Variants in STARD9 observed in about 807,000 individuals in gnomAD.
STARD9 encodes the protein StAR related lipid transfer domain containing 9.
In STARD9, 346 loss-of-function variants were observed where a neutral mutation model predicts 399.8. That is an observed-to-expected ratio of 0.87 (90% CI 0.79 to 0.95). The LOEUF (loss-of-function observed/expected upper bound fraction) is 0.95, where lower values mean the gene tolerates loss of function less well. STARD9 is among the 40% of genes least tolerant of loss of function. The pLI is 0.00. For missense variants in STARD9, 5,832 were observed against 5,667.5 expected (o/e 1.03, Z -0.93); for synonymous variants, 2,203 against 2,143.5 (o/e 1.03, Z -0.77).
At chr15:42,668,039 A>C (rs1048334900) in intron 15 of STARD9, among the ~76,000 whole-genome samples, 2 of 152,210 alleles carry the variant, frequency 1.3e-5, no homozygotes, top group African/African-American at 4.8e-5. Flanking sequence ...ACTCATTAGC[A>C]TTCTTGCATT....
chr15:42,650,389 T>G (rs1363839889), intron 7 of STARD9, among the ~76,000 whole-genome samples: 5 of 152,220 alleles, frequency 3.3e-5, no homozygotes, highest in Admixed American at 3.3e-4. Flanking sequence ...TAACCAGCCA[T>G]GAAGATTTAC....
chr15:42,666,056 A>G (rs757813463), intron 15 of STARD9, among the ~76,000 whole-genome samples: 15 of 152,158 alleles, frequency 9.9e-5, no homozygotes, highest in Admixed American at 2.6e-4. Context: ...TTGTTCTCTC[A>G]GGGATTCGTA....
rs1360514143 is a variant in STARD9 at position 42,685,282 on chromosome 15, T to C, written c.3704T>C (p.Phe1235Ser). ...GCTGACGAGATACCCACAGAGACTT[T>C]TTGGCACCTGGAGGACTCTAGTCTG... ...GSADEIPTET[F>S]WHLEDSSLPV... The change falls in exon 23 of 33, where the codon TTT becomes TCT. Residue 1235 changes from phenylalanine (F) to serine (S), a missense_variant. By Grantham distance (155) the Phe-to-Ser change is radical (BLOSUM62 -2). Transcript: ENST00000290607. The C allele has an allele frequency of 1.3e-6, 2 of 1,537,538 alleles. No homozygotes were observed. The highest frequency in any genetic ancestry group is 4.9e-5 in the East Asian group (2 of 40,918).
Position 42,681,623 on chromosome 15 carries a change from A to G in STARD9, c.2065+11A>G, listed in dbSNP as rs2060430127. On this transcript the variant is annotated intron_variant, in intron 21 of 32. Transcript: ENST00000290607. ...AGCAGATTAAAGAAAGTAGGTGTCC[A>G]CCACTTAATGTGTCTGCCTCACCTC... 1 of 1,532,258 alleles carries G rather than the reference A, an allele frequency of 6.5e-7. No homozygotes were observed. The highest frequency in any genetic ancestry group is 2.5e-5 in the East Asian group (1 of 40,794). 94.9% of individuals were successfully genotyped at this position (1,532,258 alleles called of 1,614,324 possible).
At chr15:42,679,929 G>A (rs1421674296) in intron 20 of STARD9, among the ~76,000 whole-genome samples, 4 of 152,104 alleles carry the variant, frequency 2.6e-5, no homozygotes, top group African/African-American at 9.7e-5. Flanking sequence ...ACAGCGTATG[G>A]GTCATACTGC....
At chr15:42,604,124 G>A (rs933225639) in intron 3 of STARD9, among the ~76,000 whole-genome samples, 2 of 152,208 alleles carry the variant, frequency 1.3e-5, no homozygotes, top group African/African-American at 4.8e-5. Context: ...GAACAAGGTA[G>A]CCTGGAGGTT....
At position 42,662,944 on chromosome 15, in the gene STARD9, T is replaced by C; in HGVS notation, c.868+53T>C. On this transcript the variant is annotated intron_variant, in intron 11 of 32. Coordinates refer to ENST00000290607, the MANE Select transcript of STARD9 (RefSeq NM_020759.3). The stretch of plus-strand genomic sequence containing the variant: ...GAGGGAGAGTTCGGAAAATAACTCA[T>C]GTTTTCATTTTGTCGCAATAGGGTA... The C allele has an allele frequency of 2.3e-6, 3 of 1,300,646 alleles. No individual in the cohort carries two copies. In the South Asian group the frequency reaches 3.8e-5, roughly 17 times the overall value. The allele number at this position is 1,300,646 out of a possible 1,614,324, so 80.6% of individuals were successfully genotyped here. A position where few individuals can be genotyped will look rare whatever the true frequency, so the allele number is the denominator to read the frequency against.
At chr15:42,584,128 G>A (rs1462637888) in intron 2 of STARD9, among the ~76,000 whole-genome samples, 1 of 152,016 alleles carries the variant, frequency 6.6e-6, no homozygotes, top group South Asian at 2.1e-4. Context: ...AGCTGACCAT[G>A]TGACTTTTGC....
chr15:42,693,396 C>A lies in STARD9; in HGVS notation c.11818C>A (p.Pro3940Thr). Residue 3940 changes from proline to threonine, a missense_variant, in exon 23 of 33, where the codon CCT becomes ACT. Transcript: ENST00000290607. ...CCAGAAGCTTGACTCCAGCCCAGAC[C>A]CTGTTGATGCCCCAAGGACTCCAAT... ...GHQKLDSSPD[P>T]VDAPRTPMDN... 1 of 1,537,172 alleles carries A rather than the reference C, an allele frequency of 6.5e-7. No individual in the cohort carries two copies. Among genetic ancestry groups the A allele is most frequent in the Non-Finnish European group, 8.7e-7 (1 of 1,146,894 alleles).
At chr15:42,634,800 A>C in intron 3 of STARD9, 56 bp from the exon 4 acceptor site, 1 of 774,738 alleles carries the variant, frequency 1.3e-6, no homozygotes, top group Non-Finnish European at 2.0e-6. Flanking sequence ...AATAATTCTA[A>C]ATCTGCTATG....
At chr15:42,651,809 T>G (rs370045402) in intron 8 of STARD9, among the ~76,000 whole-genome samples, 2 of 152,292 alleles carry the variant, frequency 1.3e-5, no homozygotes, top group South Asian at 2.1e-4. Flanking sequence ...AGCTCCATGA[T>G]TTTTCAGTGT....
chr15:42,719,223 C>T (rs931660801), intron 32 of STARD9, among the ~76,000 whole-genome samples: 1 of 152,186 alleles, frequency 6.6e-6, no homozygotes, highest in Non-Finnish European at 1.5e-5. Context: ...GCAGCAGCCT[C>T]AGCAGAGCGG....
chr15:42,674,603 A>G, intron 17 of STARD9, 112 bp downstream of exon 17: 2 of 1,228,118 alleles, frequency 1.6e-6, no homozygotes, highest in Non-Finnish European at 2.3e-6. Context: ...TGGCGTATTC[A>G]GGGCCTGCTT....
At position 42,665,345 on chromosome 15, in the gene STARD9, A is replaced by C; in HGVS notation, c.1254+15A>C. 6.5e-7 allele frequency: 1 copy of C among 1,533,160 alleles called. No individual in the cohort carries two copies. Among genetic ancestry groups the C allele is most frequent in the Non-Finnish European group, 8.7e-7 (1 of 1,143,442 alleles). The allele number at this position is 1,533,160 out of a possible 1,614,324, so 95.0% of individuals were successfully genotyped here. A position where few individuals can be genotyped will look rare whatever the true frequency, so the allele number is the denominator to read the frequency against. On this transcript the variant is annotated intron_variant, in intron 14 of 32. Transcript: ENST00000290607. ...GCTTTGAACTGGTATGCAGACAGTC[A>C]GAACCTTTCCGTACTTAAGTGAAAT... is the stretch of plus-strand genomic sequence containing the variant.
At chr15:42,653,521 A>G (rs2059805410) in intron 9 of STARD9, among the ~76,000 whole-genome samples, 1 of 152,356 alleles carries the variant, frequency 6.6e-6, no homozygotes, top group Middle Eastern at 3.4e-3. Context: ...AATCTTAAAA[A>G]CAGCTAGAGA....
At chr15:42,660,901 A>G (rs1239225226) in intron 9 of STARD9, among the ~76,000 whole-genome samples, 2 of 151,654 alleles carry the variant, frequency 1.3e-5, no homozygotes, top group Non-Finnish European at 2.9e-5. Flanking sequence ...AGCAAACTTC[A>G]TGGAAGTTTA....
At chr15:42,604,817 A>G (rs1187269737) in intron 3 of STARD9, among the ~76,000 whole-genome samples, 8 of 151,344 alleles carry the variant, frequency 5.3e-5, no homozygotes, top group Non-Finnish European at 2.9e-5. Flanking sequence ...CTAATTTTTT[A>G]TTTTTTGTAG....
At chr15:42,654,587 A>C (rs2059826306) in intron 9 of STARD9, among the ~76,000 whole-genome samples, 1 of 152,226 alleles carries the variant, frequency 6.6e-6, no homozygotes, top group Admixed American at 6.5e-5. Context: ...GCGAAGTTTC[A>C]AGATACAAAA....
At chr15:42,599,359 C>T (rs1016101267) in intron 3 of STARD9, among the ~76,000 whole-genome samples, 11 of 152,180 alleles carry the variant, frequency 7.2e-5, no homozygotes, top group African/African-American at 2.4e-4. Context: ...GGTGAGGGCT[C>T]GTTCTTTCTC....
Sources: gnomAD v4.1 joint callset for allele counts (sites outside exome capture counted in the v4.1 genomes callset) on GRCh38, gnomAD v4.1.1 for gene constraint, MANE v1.5 for transcripts, NCBI Gene and HGNC (gene_info 2026-07-23, HGNC 2026-07-21) for gene names.